STPG2: variants seen among roughly 807,000 people sequenced by gnomAD.
The protein encoded by STPG2 is sperm tail PG-rich repeat containing 2.
In STPG2, 56 loss-of-function variants were observed where a neutral mutation model predicts 54.2. That is an observed-to-expected ratio of 1.03 (90% CI 0.83 to 1.29). The LOEUF is 1.29. STPG2 is among the 50% of genes most tolerant of loss of function. The pLI, the probability that STPG2 is intolerant of heterozygous loss-of-function variation, is 0.00. For synonymous variants in STPG2, 200 were observed against 181.8 expected (o/e 1.10, Z -0.81); for missense variants, 596 against 544.9 (o/e 1.09, Z -0.93).
chr4:97,921,795 G>A (rs533911337), intron 8 of STPG2, among the ~76,000 whole-genome samples: 10 of 152,128 alleles, frequency 6.6e-5, no homozygotes, highest in Admixed American at 3.9e-4. Context: ...GTTCATCAAC[G>A]GATAAAGAAA....
intron 8 of STPG2, among the ~76,000 whole-genome samples, chr4:97,903,119 A>C (rs1578671636): frequency 6.6e-6 from 1 of 152,190 alleles, no homozygotes; most frequent in Admixed American, 6.5e-5. Flanking sequence ...TACAAAATGA[A>C]TATATTCTGG....
chr4:97,964,471 AAG>A (rs1181964308), intron 7 of STPG2, among the ~76,000 whole-genome samples: 1 of 152,216 alleles, frequency 6.6e-6, no homozygotes, highest in Non-Finnish European at 1.5e-5. Context: ...ATGATAAAAA[AAG>A]AATAAAAATA....
intron 9 of STPG2, among the ~76,000 whole-genome samples, chr4:97,791,210 C>T (rs563261760): frequency 1.3e-5 from 2 of 152,022 alleles, no homozygotes; most frequent in South Asian, 2.1e-4. Flanking sequence ...AACTTTTTCC[C>T]ACACTAAAAA....
Position 98,026,210 on chromosome 4 carries a change from G to A in STPG2, c.613-44892C>T, listed in dbSNP as rs1736415106. On this transcript the variant is annotated intron_variant, in intron 5 of 10. Coordinates refer to ENST00000295268, the MANE Select transcript of STPG2 (RefSeq NM_174952.3). ...GTCCCTTGCTCAGAAGAAAGATCGG[G>A]TAGCTCAAAAGAAAGCAAGCCCCCT... The A allele has an allele frequency of 6.8e-6, 8 of 1,180,852 alleles. No homozygotes were observed. The Admixed American group carries it at 7.0e-5, about 10-fold the overall frequency. 73.1% of individuals were successfully genotyped at this position (1,180,852 alleles called of 1,614,324 possible).
intron 7 of STPG2, among the ~76,000 whole-genome samples, chr4:97,962,990 C>G (rs1257891996): frequency 6.6e-6 from 1 of 152,068 alleles, no homozygotes; most frequent in African/African-American, 2.4e-5. Flanking sequence ...GAAACCCCAT[C>G]TCTACTAAAA....
chr4:97,972,609 TAC>T (rs1169122613), intron 6 of STPG2, among the ~76,000 whole-genome samples, 169 bp from the exon 7 acceptor site: 2 of 152,230 alleles, frequency 1.3e-5, no homozygotes, highest in African/African-American at 2.4e-5. Flanking sequence ...CAAATTTTTA[TAC>T]AGTTAACATA....
chr4:97,835,117 A>C (rs1728592299), intron 9 of STPG2, among the ~76,000 whole-genome samples: 1 of 152,118 alleles, frequency 6.6e-6, no homozygotes, highest in South Asian at 2.1e-4. Context: ...GGAGGTCGAC[A>C]CAAGATACAG....
chr4:97,482,715 G>C (rs964986212), intron 4 of STPG2, among the ~76,000 whole-genome samples: 7 of 151,518 alleles, frequency 4.6e-5, no homozygotes, highest in African/African-American at 1.7e-4. Flanking sequence ...GGACTTCTGG[G>C]GAATTCATTG....
intron 9 of STPG2, among the ~76,000 whole-genome samples, chr4:97,715,307 G>T (rs1407054052): frequency 1.3e-5 from 2 of 152,040 alleles, no homozygotes; most frequent in African/African-American, 2.4e-5. Context: ...AGGTAATAAG[G>T]AAGAAAACTT....
intron 8 of STPG2, among the ~76,000 whole-genome samples, chr4:97,934,437 C>T (rs1352707419): frequency 1.3e-5 from 2 of 152,134 alleles, no homozygotes; most frequent in Non-Finnish European, 2.9e-5. Context: ...TCATCTTATG[C>T]CAGTTTTTAA....
At chr4:97,817,385 T>C (rs1293125944) in intron 9 of STPG2, among the ~76,000 whole-genome samples, 2 of 151,898 alleles carry the variant, frequency 1.3e-5, no homozygotes, top group Non-Finnish European at 2.9e-5. Flanking sequence ...ATAAAAATGG[T>C]ATTGAATTAT....
At chr4:97,937,569 A>C (rs144525720) in intron 8 of STPG2, among the ~76,000 whole-genome samples, 1 of 151,938 alleles carries the variant, frequency 6.6e-6, no homozygotes, top group African/African-American at 2.4e-5. Context: ...TTTTGTAGGA[A>C]CTTTTTTGTT....
intron 5 of STPG2, among the ~76,000 whole-genome samples, chr4:97,998,704 T>C (rs1390141378): frequency 6.6e-6 from 1 of 152,176 alleles, no homozygotes; most frequent in African/African-American, 2.4e-5. Flanking sequence ...TGCTAATCAA[T>C]AACAGTGAAA....
chr4:97,742,487 C>T (rs1399977091), intron 9 of STPG2, among the ~76,000 whole-genome samples: 1 of 147,536 alleles, frequency 6.8e-6, no homozygotes, highest in African/African-American at 2.5e-5. Flanking sequence ...ATGGGAACAA[C>T]CTAATTGTCC....
chr4:98,096,659 T>C (rs761006077), intron 5 of STPG2, among the ~76,000 whole-genome samples: 1 of 151,764 alleles, frequency 6.6e-6, no homozygotes, highest in Non-Finnish European at 1.5e-5. Context: ...AAGAAAACTA[T>C]ACAAAAGATT....
intron 7 of STPG2, among the ~76,000 whole-genome samples, chr4:97,945,601 G>T (rs115709165): frequency 6.6e-6 from 1 of 151,836 alleles, no homozygotes; most frequent in African/African-American, 2.4e-5. Context: ...AGATCAAATC[G>T]TAGATCTATT....
chr4:97,701,499 G>GAA (rs1723773253), intron 10 of STPG2, among the ~76,000 whole-genome samples: 1 of 152,098 alleles, frequency 6.6e-6, no homozygotes, highest in Non-Finnish European at 1.5e-5. Flanking sequence ...GGGAAGGATG[G>GAA]AAAAAAGATT....
chr4:97,755,782 T>C (rs137868433), intron 9 of STPG2, among the ~76,000 whole-genome samples: 1 of 152,344 alleles, frequency 6.6e-6, no homozygotes, highest in East Asian at 1.9e-4. Context: ...CTATGAAAGA[T>C]GTGCAAAATT....
chr4:97,757,547 A>C (rs1725767518), intron 9 of STPG2, among the ~76,000 whole-genome samples: 1 of 152,194 alleles, frequency 6.6e-6, no homozygotes, highest in South Asian at 2.1e-4. Flanking sequence ...AATTGAATGA[A>C]TTAACACTTT....
Sources: allele counts gnomAD v4.1 joint callset (sites outside exome capture counted in the v4.1 genomes callset), GRCh38; gene constraint gnomAD v4.1.1; transcripts MANE v1.5; gene names NCBI Gene and HGNC (gene_info 2026-07-23, HGNC 2026-07-21).